NRG3: variants seen among roughly 807,000 people sequenced by gnomAD.
NRG3 encodes the protein pro-neuregulin-3, membrane-bound isoform.
NRG3 carries 31 observed loss-of-function variants against 66.9 expected under a neutral mutation model. That is an observed-to-expected ratio of 0.46 (90% CI 0.35 to 0.63). NRG3 has a LOEUF of 0.63. Among genes scored for constraint, NRG3 ranks in the 20% least tolerant of loss-of-function variants. The pLI is 0.00. For missense variants in NRG3, 910 were observed against 878.9 expected, an observed-to-expected ratio of 1.04 and a Z score of -0.45; for synonymous variants, 393 against 359.4, an observed-to-expected ratio of 1.09 and a Z score of -1.06.
chr10:82,904,834 G>T (rs1386885739), intron 4 of NRG3, among the ~76,000 whole-genome samples: 1 of 152,082 alleles, frequency 6.6e-6, no homozygotes, highest in Non-Finnish European at 1.5e-5. Flanking sequence ...TCCCTGAGGA[G>T]CCCAAAGTAT....
chr10:82,440,646 C>T (rs1355095893), intron 2 of NRG3, among the ~76,000 whole-genome samples: 2 of 151,994 alleles, frequency 1.3e-5, no homozygotes, highest in African/African-American at 4.8e-5. Flanking sequence ...TTCCTGAATG[C>T]TTGAATCAGC....
chr10:82,193,646 G>C (rs1385522918), intron 1 of NRG3, among the ~76,000 whole-genome samples: 3 of 152,154 alleles, frequency 2.0e-5, no homozygotes, highest in African/African-American at 7.2e-5. Flanking sequence ...TGCCATTGCT[G>C]GTTGACAGAA....
intron 1 of NRG3, among the ~76,000 whole-genome samples, chr10:82,126,883 G>A (rs1320663995): frequency 2.0e-5 from 3 of 152,020 alleles, no homozygotes; most frequent in Admixed American, 6.6e-5. Flanking sequence ...GCCCAGGTTG[G>A]AGACACAGTT....
Position 82,126,533 on chromosome 10 carries a change from T to C in NRG3, c.824-232206T>C, listed in dbSNP as rs532709945. ...ACAAGGCACAGATAGTATGCAGAGATTTAATTGAAATTATCACTTCATTCT... is the reference window on the plus strand; with the variant it reads ...ACAAGGCACAGATAGTATGCAGAGACTTAATTGAAATTATCACTTCATTCT... On this transcript the variant is annotated intron_variant, in intron 1 of 8. Transcript: ENST00000372141. Among the ~76,000 whole-genome samples the C allele has an allele frequency of 2.0e-3, 302 of 152,190 alleles. 4 individuals carry two copies. The highest frequency in any genetic ancestry group is 4.6e-4 in the Non-Finnish European group (31 of 67,984).
chr10:82,616,267 G>A (rs2048643050), intron 2 of NRG3, among the ~76,000 whole-genome samples: 2 of 152,056 alleles, frequency 1.3e-5, no homozygotes, highest in African/African-American at 4.8e-5. Flanking sequence ...TTTCCATGCC[G>A]AAGGAGGTAA....
At chr10:82,021,637 G>A (rs2062064186) in intron 1 of NRG3, among the ~76,000 whole-genome samples, 1 of 152,084 alleles carries the variant, frequency 6.6e-6, no homozygotes, top group Non-Finnish European at 1.5e-5. Flanking sequence ...AAATTCACTT[G>A]TGGGATCCTC....
chr10:82,686,313 G>C (rs4578325), intron 2 of NRG3, among the ~76,000 whole-genome samples: 2 of 151,302 alleles, frequency 1.3e-5, no homozygotes, highest in Admixed American at 6.6e-5. Context: ...TCAACCTCCC[G>C]AGTAGCTGGA....
intron 2 of NRG3, among the ~76,000 whole-genome samples, chr10:82,590,217 T>C (rs2046902183): frequency 6.6e-6 from 1 of 152,172 alleles, no homozygotes; most frequent in African/African-American, 2.4e-5. Flanking sequence ...ATTTAATTTT[T>C]AGCTCTAGCA....
chr10:82,578,101 G>GTTCATTACA (rs2133185583), intron 2 of NRG3, among the ~76,000 whole-genome samples: 1 of 151,132 alleles, frequency 6.6e-6, no homozygotes, highest in South Asian at 2.1e-4. Flanking sequence ...TGGTGATCAG[G>GTTCATTACA]GCTGCAGTCA....
intron 1 of NRG3, among the ~76,000 whole-genome samples, chr10:81,883,011 A>T (rs1842317612): frequency 6.6e-6 from 1 of 152,158 alleles, no homozygotes; most frequent in Admixed American, 6.5e-5. Context: ...ATGATCTGGA[A>T]ATCTGAAATC....
At chr10:82,616,546 A>T (rs2048662066) in intron 2 of NRG3, among the ~76,000 whole-genome samples, 1 of 152,192 alleles carries the variant, frequency 6.6e-6, no homozygotes, top group Admixed American at 6.5e-5. Context: ...TCTTATTCTT[A>T]TCTCAGGTGT....
chr10:82,318,479 T>C (rs2081404661), intron 1 of NRG3, among the ~76,000 whole-genome samples: 1 of 152,204 alleles, frequency 6.6e-6, no homozygotes, highest in East Asian at 1.9e-4. Context: ...GATCCTTAAT[T>C]TATAATCCAA....
chr10:82,803,418 T>C (rs925399388), intron 3 of NRG3, among the ~76,000 whole-genome samples: 1 of 152,234 alleles, frequency 6.6e-6, no homozygotes, highest in African/African-American at 2.4e-5. Flanking sequence ...TAATAAATCA[T>C]TGAAGACAAT....
intron 2 of NRG3, among the ~76,000 whole-genome samples, chr10:82,592,374 A>G (rs931755707): frequency 1.3e-5 from 2 of 152,200 alleles, no homozygotes; most frequent in African/African-American, 4.8e-5. Flanking sequence ...TTCTGGGGCC[A>G]GGCCTGGAAA....
At chr10:82,423,602 G>C (rs559993776) in intron 2 of NRG3, among the ~76,000 whole-genome samples, 1 of 151,792 alleles carries the variant, frequency 6.6e-6, no homozygotes, top group African/African-American at 2.4e-5. Flanking sequence ...CATTATGAAA[G>C]TTTCATGAAA....
chr10:81,920,987 A>G (rs1425711417), intron 1 of NRG3, among the ~76,000 whole-genome samples: 1 of 152,122 alleles, frequency 6.6e-6, no homozygotes, highest in Non-Finnish European at 1.5e-5. Flanking sequence ...ATTTTAGGAT[A>G]TATTTTGCCA....
intron 2 of NRG3, among the ~76,000 whole-genome samples, chr10:82,505,312 A>G (rs1365787768): frequency 6.6e-5 from 10 of 152,230 alleles, no homozygotes; most frequent in Admixed American, 6.5e-4. Flanking sequence ...TAGCGGGAAG[A>G]TCTGAGGACC....
intron 1 of NRG3, among the ~76,000 whole-genome samples, chr10:81,911,411 G>A (rs1251881214): frequency 1.3e-5 from 2 of 151,876 alleles, no homozygotes; most frequent in Non-Finnish European, 1.5e-5. Context: ...GAATCACAGT[G>A]TCCCAGGAAG....
At chr10:82,969,109 A>T (rs573330251) in intron 6 of NRG3, among the ~76,000 whole-genome samples, 1 of 152,194 alleles carries the variant, frequency 6.6e-6, no homozygotes, top group African/African-American at 2.4e-5. Flanking sequence ...TCAAGATGCA[A>T]TTTGGGTGGG....
Sources: allele counts gnomAD v4.1 joint callset (sites outside exome capture counted in the v4.1 genomes callset), GRCh38; gene constraint gnomAD v4.1.1; transcripts MANE v1.5; gene names NCBI Gene and HGNC (gene_info 2026-07-23, HGNC 2026-07-21).